The following CSNK1G1 variants were observed in gnomAD, a reference collection of about 807,000 sequenced individuals.
The protein encoded by CSNK1G1 is casein kinase 1 gamma 1.
A neutral mutation model predicts 59.6 loss-of-function variants in CSNK1G1; 22 were observed. The observed-to-expected ratio is 0.37, with a 90% CI of 0.26 to 0.53. The LOEUF is 0.53. Among genes scored for constraint, CSNK1G1 ranks in the 20% least tolerant of loss-of-function variants. The pLI is 0.89. For synonymous variants in CSNK1G1, 179 were observed against 177.1 expected, an observed-to-expected ratio of 1.01 and a Z score of -0.08; for missense variants, 384 against 519.5, an observed-to-expected ratio of 0.74 and a Z score of 2.54.
At chr15:64,319,347 A>G (rs567680305) in intron 1 of CSNK1G1, among the ~76,000 whole-genome samples, 14 of 152,100 alleles carry the variant, frequency 9.2e-5, no homozygotes, top group Admixed American at 9.2e-4. Context: ...AATTACATGT[A>G]TTACTATTAT....
intron 1 of CSNK1G1, among the ~76,000 whole-genome samples, chr15:64,321,329 C>T (rs2140439551): frequency 6.7e-6 from 1 of 149,598 alleles, no homozygotes; most frequent in African/African-American, 2.5e-5. Flanking sequence ...AGTCATGGCT[C>T]ACTGGAGCTT....
chr15:64,332,626 T>G (rs1897168742), intron 1 of CSNK1G1, among the ~76,000 whole-genome samples: 2 of 150,660 alleles, frequency 1.3e-5, no homozygotes, highest in African/African-American at 4.9e-5. Context: ...TATACATATG[T>G]AACTAACCTG....
rs2082284075 is a variant in CSNK1G1 at position 64,214,297 on chromosome 15, T to C, written c.445-173A>G. 3.3e-6 allele frequency: 2 copies of C among 609,036 alleles called. No individual in the cohort carries two copies. Among genetic ancestry groups the C allele is most frequent in the Admixed American group, 2.9e-5 (1 of 33,950 alleles). 37.7% of individuals were successfully genotyped at this position (609,036 alleles called of 1,614,324 possible). ...TTGTAAACAAAAAAATATTTTGCTA[T>C]AAATACGTACACAACAAATATCAAG... On this transcript the variant is annotated intron_variant, in intron 5 of 11. Transcript: ENST00000303052. The surrounding 1 kb of genome is among the most constrained non-coding windows in gnomAD (Gnocchi z 4.3).
chr15:64,309,267 G>A (rs1895856660), intron 1 of CSNK1G1, among the ~76,000 whole-genome samples: 1 of 149,020 alleles, frequency 6.7e-6, no homozygotes, highest in African/African-American at 2.5e-5. Context: ...CATTTTATTT[G>A]CAGGGCCTAG....
At chr15:64,276,329 A>G (rs1387365575) in intron 2 of CSNK1G1, among the ~76,000 whole-genome samples, 1 of 152,172 alleles carries the variant, frequency 6.6e-6, no homozygotes, top group African/African-American at 2.4e-5. Flanking sequence ...GTATTTTTGT[A>G]TTTTTAAAAT....
At chr15:64,209,482 T>C (rs931381369) in intron 6 of CSNK1G1, among the ~76,000 whole-genome samples, 1 of 152,072 alleles carries the variant, frequency 6.6e-6, no homozygotes, top group Non-Finnish European at 1.5e-5. Flanking sequence ...ATGGAGGTTG[T>C]AAAAAGATGG....
intron 1 of CSNK1G1, among the ~76,000 whole-genome samples, chr15:64,331,207 C>T (rs1897097244): frequency 7.4e-6 from 1 of 135,836 alleles, no homozygotes; most frequent in African/African-American, 2.8e-5. Context: ...AAAAAAGAGC[C>T]CGCATTGCCA....
At chr15:64,265,728 A>G (rs1242787959) in intron 2 of CSNK1G1, 2 of 452,098 alleles carry the variant, frequency 4.4e-6, no homozygotes, top group Non-Finnish European at 8.8e-6. Flanking sequence ...AAGGGAAACT[A>G]TAAAATACCA....
At chr15:64,261,458 G>A (rs2140333181) in intron 2 of CSNK1G1, among the ~76,000 whole-genome samples, 1 of 151,856 alleles carries the variant, frequency 6.6e-6, no homozygotes, top group Admixed American at 6.6e-5. Flanking sequence ...AAAATTAGTT[G>A]GGGGTAGTGG....
chr15:64,284,153 A>G (rs1410545623), intron 2 of CSNK1G1, among the ~76,000 whole-genome samples: 1 of 152,196 alleles, frequency 6.6e-6, no homozygotes, highest in Non-Finnish European at 1.5e-5. Flanking sequence ...CTAGAGATTC[A>G]TGGGTAGGTG....
chr15:64,176,000 T>C (rs550860430), intron 11 of CSNK1G1, among the ~76,000 whole-genome samples: 4 of 152,324 alleles, frequency 2.6e-5, no homozygotes, highest in South Asian at 2.1e-4. Context: ...CAGCTAAAAA[T>C]AGATAATTTT....
chr15:64,304,014 C>A (rs1169709827), intron 1 of CSNK1G1, among the ~76,000 whole-genome samples: 2 of 151,880 alleles, frequency 1.3e-5, no homozygotes, highest in Admixed American at 1.3e-4. Context: ...TTCCCACAAC[C>A]ATGACAAAAA....
chr15:64,257,871 T>G (rs1250797150), intron 3 of CSNK1G1, among the ~76,000 whole-genome samples: 1 of 152,194 alleles, frequency 6.6e-6, no homozygotes, highest in East Asian at 1.9e-4. Flanking sequence ...ACCTGCATTG[T>G]TACATGTATT....
At chr15:64,319,691 C>T (rs1256524888) in intron 1 of CSNK1G1, among the ~76,000 whole-genome samples, 2 of 151,780 alleles carry the variant, frequency 1.3e-5, no homozygotes, top group Non-Finnish European at 2.9e-5. Context: ...ATTACAGGCG[C>T]ATGCCGCCAT....
intron 1 of CSNK1G1, among the ~76,000 whole-genome samples, chr15:64,352,447 C>CT (rs1165768581): frequency 0.042 from 3,716 of 89,180 alleles, 306 homozygotes; most frequent in South Asian, 0.069. Flanking sequence ...TTGAATTCTT[C>CT]TTTTTTTTTT....
chr15:64,341,471 TGTTGGTTG>T (rs952265303), intron 1 of CSNK1G1, among the ~76,000 whole-genome samples: 1 of 152,144 alleles, frequency 6.6e-6, no homozygotes, highest in African/African-American at 2.4e-5. Flanking sequence ...TTATTTCTTC[TGTTGGTTG>T]GTTGGTTGGT....
chr15:64,353,657 A>G (rs2140499523), intron 1 of CSNK1G1, among the ~76,000 whole-genome samples: 1 of 151,410 alleles, frequency 6.6e-6, no homozygotes, highest in Admixed American at 6.6e-5. Context: ...AAAAAAAAAA[A>G]AAAAAAAGAA....
chr15:64,194,766 T>A (rs1482314529), intron 10 of CSNK1G1, among the ~76,000 whole-genome samples: 2 of 152,122 alleles, frequency 1.3e-5, no homozygotes, highest in Non-Finnish European at 2.9e-5. Flanking sequence ...TCCACCGCCT[T>A]AGCTTCCCAA....
At chr15:64,354,269 C>A (rs1943971409) in intron 1 of CSNK1G1, among the ~76,000 whole-genome samples, 1 of 152,200 alleles carries the variant, frequency 6.6e-6, no homozygotes, top group Non-Finnish European at 1.5e-5. Context: ...CGTGCCACTG[C>A]ACTCCAGCCT....
Sources: allele counts gnomAD v4.1 joint callset (sites outside exome capture counted in the v4.1 genomes callset), GRCh38; gene constraint gnomAD v4.1.1; non-coding constraint Gnocchi (gnomAD v3.1); transcripts MANE v1.5; gene names NCBI Gene and HGNC (gene_info 2026-07-23, HGNC 2026-07-21).